The following GRM8 variants were observed in gnomAD, a reference collection of about 807,000 sequenced individuals.
The protein encoded by GRM8 is metabotropic glutamate receptor 8.
In GRM8, 47 loss-of-function variants were observed where a neutral mutation model predicts 87.2. The ratio of observed to expected loss-of-function variants is 0.54; its 90% confidence interval spans 0.43 to 0.69. GRM8 has a LOEUF of 0.69. GRM8 is among the 30% of genes least tolerant of loss of function. GRM8 has a pLI of 0.00. For missense variants in GRM8, 1,019 were observed against 1,139.2 expected (o/e 0.89, Z 1.52); for synonymous variants, 396 against 404.5 (o/e 0.98, Z 0.25).
At chr7:127,106,253 T>TA (rs1480717846) in intron 3 of GRM8, among the ~76,000 whole-genome samples, 5 of 152,216 alleles carry the variant, frequency 3.3e-5, no homozygotes, top group Admixed American at 1.3e-4. Flanking sequence ...CAGACAACTT[T>TA]AAAAAATGTT....
intron 3 of GRM8, among the ~76,000 whole-genome samples, chr7:126,949,323 C>T (rs1043393516): frequency 6.6e-6 from 1 of 152,112 alleles, no homozygotes; most frequent in Non-Finnish European, 1.5e-5. Flanking sequence ...CATTTAAAGG[C>T]CTCTTCCCTG....
intron 7 of GRM8, among the ~76,000 whole-genome samples, chr7:126,711,703 T>G (rs1351759839): frequency 6.6e-6 from 1 of 152,242 alleles, no homozygotes; most frequent in Non-Finnish European, 1.5e-5. Context: ...ATGGCCACCT[T>G]CATCAATGAT....
chr7:127,178,002 T>C (rs1794215041), intron 2 of GRM8, among the ~76,000 whole-genome samples: 1 of 151,836 alleles, frequency 6.6e-6, no homozygotes. Context: ...CAAGAATAAA[T>C]CCCTGATTTA....
At chr7:127,089,035 C>A (rs1823793111) in intron 3 of GRM8, among the ~76,000 whole-genome samples, 1 of 152,194 alleles carries the variant, frequency 6.6e-6, no homozygotes, top group African/African-American at 2.4e-5. Context: ...GATATGTCCA[C>A]CTGGAGCCTC....
rs369567116 is a variant in GRM8 at position 127,062,516 on chromosome 7, C to A, written c.727+43980G>T. 4.0e-4 allele frequency among the ~76,000 whole-genome samples: 61 copies of A among 152,214 alleles called. No individual in the cohort carries two copies. The South Asian group carries it at 0.012, about 29-fold the overall frequency. ...GGGACATGGGGGTGTAAGAGTCCAA[C>A]CAGAGATGTTTTCAGCAAAATAAAT... On this transcript the variant is annotated intron_variant, in intron 3 of 10. Coordinates refer to ENST00000339582, the MANE Select transcript of GRM8 (RefSeq NM_000845.3).
chr7:127,198,837 ATTTTT>A (rs35710456), intron 2 of GRM8, among the ~76,000 whole-genome samples: 2 of 125,812 alleles, frequency 1.6e-5, no homozygotes, highest in African/African-American at 3.1e-5. Flanking sequence ...ACCGTGCCTA[ATTTTT>A]TTTTTTTTTT....
intron 2 of GRM8, among the ~76,000 whole-genome samples, chr7:127,170,119 T>A (rs1172645990): frequency 6.6e-6 from 1 of 152,190 alleles, no homozygotes; most frequent in Non-Finnish European, 1.5e-5. Context: ...GGGCAAAATA[T>A]GTAGAAAACC....
chr7:127,058,517 AG>A (rs1384804659), intron 3 of GRM8, among the ~76,000 whole-genome samples: 1 of 152,226 alleles, frequency 6.6e-6, no homozygotes, highest in East Asian at 1.9e-4. Context: ...GCCCTAAAAT[AG>A]GATCATATTT....
intron 2 of GRM8, among the ~76,000 whole-genome samples, chr7:127,189,021 T>C (rs539861285): frequency 3.2e-4 from 49 of 152,356 alleles, no homozygotes; most frequent in Admixed American, 3.2e-3. Context: ...AAAACTGCCA[T>C]AAAAGTTAGA....
chr7:127,207,135 G>A (rs1795958242), intron 2 of GRM8, among the ~76,000 whole-genome samples: 1 of 152,178 alleles, frequency 6.6e-6, no homozygotes, highest in Non-Finnish European at 1.5e-5. Flanking sequence ...GAGATATATG[G>A]TTAACTGCAC....
At position 126,665,910 on chromosome 7, in the gene GRM8, A is replaced by G. The variant is rs567149611; in HGVS notation, c.1358-56412T>C. 2.6e-5 allele frequency among the ~76,000 whole-genome samples: 4 copies of G among 152,252 alleles called. No individual in the cohort carries two copies. In the South Asian group the frequency reaches 8.3e-4, roughly 32 times the overall value. ...TTGATAATCTGAGGAACAGATTATC[A>G]AACAGATTTTTGTGATGACTTTGAA... is the stretch of plus-strand genomic sequence containing the variant. On this transcript the variant is annotated intron_variant, in intron 7 of 10. Coordinates refer to ENST00000339582, the MANE Select transcript of GRM8 (RefSeq NM_000845.3).
At chr7:126,941,234 C>A (rs1009364828) in intron 3 of GRM8, among the ~76,000 whole-genome samples, 7 of 152,110 alleles carry the variant, frequency 4.6e-5, no homozygotes, top group Non-Finnish European at 7.4e-5. Context: ...AATTCTAATT[C>A]TGCACTTCCT....
chr7:126,678,454 GGAA>G lies in GRM8; in HGVS notation c.1358-68959_1358-68957del, dbSNP rs1807218546. On this transcript the variant is annotated intron_variant, in intron 7 of 10. Coordinates refer to ENST00000339582, the MANE Select transcript of GRM8 (RefSeq NM_000845.3). ...CTGAGTGTTATATTTGTGTGAAGTTGGAAGGAGAAATGTGTTGATTCTGAAACA... is the reference window on the plus strand; with the variant it reads ...CTGAGTGTTATATTTGTGTGAAGTTGGGAGAAATGTGTTGATTCTGAAACA... Among the ~76,000 whole-genome samples the G allele has an allele frequency of 2.6e-5, 4 of 152,180 alleles. No individual in the cohort carries two copies. The South Asian group carries it at 8.3e-4, about 31-fold the overall frequency.
chr7:126,721,538 A>T (rs185095301), intron 7 of GRM8, among the ~76,000 whole-genome samples: 357 of 152,242 alleles, frequency 2.3e-3, no homozygotes, highest in Non-Finnish European at 3.7e-3. Flanking sequence ...TACTTCAAAG[A>T]TATTTTCCCA....
intron 3 of GRM8, among the ~76,000 whole-genome samples, chr7:127,092,697 A>G (rs1444140123): frequency 6.6e-6 from 1 of 152,094 alleles, no homozygotes; most frequent in Non-Finnish European, 1.5e-5. Context: ...ACAGAGTGAG[A>G]CTCTGTCTCA....
intron 8 of GRM8, among the ~76,000 whole-genome samples, chr7:126,562,507 T>C (rs1793812598): frequency 6.6e-6 from 1 of 152,204 alleles, no homozygotes; most frequent in Non-Finnish European, 1.5e-5. Context: ...GAAGAAATGC[T>C]CAGTTAATGT....
intron 3 of GRM8, chr7:127,105,277 T>C (rs1447497078): frequency 6.6e-6 from 1 of 152,244 alleles, no homozygotes; most frequent in Non-Finnish European, 1.5e-5. Flanking sequence ...GCAAAGATTA[T>C]GGCATAATGC....
chr7:127,046,222 A>T (rs1355648594), intron 3 of GRM8, among the ~76,000 whole-genome samples: 1 of 152,020 alleles, frequency 6.6e-6, no homozygotes, highest in Non-Finnish European at 1.5e-5. Flanking sequence ...ATACAAAAAA[A>T]TTAGCCAGGC....
chr7:126,618,708 G>A (rs970993720), intron 7 of GRM8, among the ~76,000 whole-genome samples: 10 of 152,102 alleles, frequency 6.6e-5, no homozygotes, highest in Non-Finnish European at 1.2e-4. Flanking sequence ...CAACAAGTGC[G>A]CAAAGGATAT....
Sources: gnomAD v4.1 joint callset for allele counts (sites outside exome capture counted in the v4.1 genomes callset) on GRCh38, gnomAD v4.1.1 for gene constraint, MANE v1.5 for transcripts, NCBI Gene and HGNC (gene_info 2026-07-23, HGNC 2026-07-21) for gene names.